NFAT5: variants seen among roughly 807,000 people sequenced by gnomAD.
The protein encoded by NFAT5 is nuclear factor of activated T-cells 5.
In NFAT5, 31 loss-of-function variants were observed where a neutral mutation model predicts 166.5. The ratio of observed to expected loss-of-function variants is 0.19; its 90% CI spans 0.14 to 0.25. The LOEUF is 0.25. Among genes scored for constraint, NFAT5 ranks in the 10% least tolerant of loss-of-function variants. NFAT5 has a pLI of 1.00. For missense variants in NFAT5, 1,449 were observed against 1,821.8 expected, an observed-to-expected ratio of 0.80 and a Z score of 3.72; for synonymous variants, 612 against 639.7, an observed-to-expected ratio of 0.96 and a Z score of 0.65.
chr16:69,636,687 A>G (rs911985850), intron 3 of NFAT5, among the ~76,000 whole-genome samples: 2 of 152,178 alleles, frequency 1.3e-5, no homozygotes, highest in Non-Finnish European at 1.5e-5. Flanking sequence ...CCTTTCAGCT[A>G]TGGCTGGAGC....
intron 2 of NFAT5, among the ~76,000 whole-genome samples, chr16:69,594,552 G>A (rs2032673819): frequency 6.6e-6 from 1 of 152,094 alleles, no homozygotes; most frequent in Non-Finnish European, 1.5e-5. Context: ...GCATATAGCA[G>A]GTTTCTGTAT....
intron 9 of NFAT5, among the ~76,000 whole-genome samples, chr16:69,676,278 C>T (rs952701549): frequency 6.6e-6 from 1 of 152,154 alleles, no homozygotes; most frequent in African/African-American, 2.4e-5. Context: ...ATATAGTACC[C>T]TTGAGTAAGT....
At chr16:69,630,537 A>G (rs1266736459) in intron 3 of NFAT5, among the ~76,000 whole-genome samples, 5 of 152,186 alleles carry the variant, frequency 3.3e-5, no homozygotes, top group Admixed American at 1.3e-4. Flanking sequence ...TAGATGTTCA[A>G]TATATCAATG....
Position 69,701,418 on chromosome 16 carries a change from A to G in NFAT5, c.*5067A>G, listed in dbSNP as rs766538076. ...ATCATTTATAATTTCATTTTTCACT[A>G]TTTCCAAAAACACATAAACAAATAG... On this transcript the variant is annotated 3_prime_UTR_variant, in exon 15 of 15. Transcript: ENST00000349945. The G allele has an allele frequency of 2.6e-5, 4 of 152,538 alleles. No homozygotes were observed. The highest frequency in any genetic ancestry group is 4.4e-5 in the Non-Finnish European group (3 of 68,026). The allele number at this position is 152,538 out of a possible 1,614,324, so 9.4% of individuals were successfully genotyped here.
At chr16:69,579,624 AC>A (rs1428267487) in intron 2 of NFAT5, among the ~76,000 whole-genome samples, 2 of 152,208 alleles carry the variant, frequency 1.3e-5, no homozygotes, top group Non-Finnish European at 2.9e-5. Context: ...ACCAAACTTC[AC>A]AAGGATGGAT....
rs554916823 is a variant in NFAT5, at chr16:69,620,570, C to G, written c.128-5833C>G. ...CCAACATAGCAAGACCGCGTCTCTA[C>G]AAAAAAATTGAAAAGGTAACTGAGC... On this transcript the variant is annotated intron_variant, in intron 2 of 14. Coordinates refer to ENST00000349945, the MANE Select transcript of NFAT5 (RefSeq NM_138713.4). Among the ~76,000 whole-genome samples, 10 of 151,794 alleles carry G rather than the reference C, an allele frequency of 6.6e-5. No homozygotes were observed. In the South Asian group the frequency reaches 2.1e-3, roughly 32 times the overall value.
At chr16:69,658,847 T>C (rs1025468487) in intron 6 of NFAT5, among the ~76,000 whole-genome samples, 1 of 151,946 alleles carries the variant, frequency 6.6e-6, no homozygotes, top group African/African-American at 2.4e-5. Flanking sequence ...AATAAAAATA[T>C]AAATAAAAAA....
rs2037657399 is a variant in NFAT5 at position 69,693,813 on chromosome 16, C to A, written c.3988C>A (p.Gln1330Lys). Residue 1330 changes from glutamine to lysine, a missense_variant, in exon 13 of 15, where the codon CAA becomes AAA. Transcript: ENST00000349945. The part of the protein sequence containing the change: ...EQQNQSIFHQ[Q>K]SNMAPMNQEQ... ...ACAGAACCAGTCAATTTTTCACCAA[C>A]AAAGTAACATGGCCCCAATGAATCA... 6 of 1,614,226 alleles carry A rather than the reference C, an allele frequency of 3.7e-6. No homozygotes were observed. In the East Asian group the frequency reaches 1.3e-4, roughly 36 times the overall value.
intron 1 of NFAT5, among the ~76,000 whole-genome samples, chr16:69,567,792 A>T (rs1451980687): frequency 6.6e-6 from 1 of 152,226 alleles, no homozygotes; most frequent in African/African-American, 2.4e-5. Context: ...ATGTCAAAAA[A>T]AAAAGAGACA....
At chr16:69,637,674 A>T (rs1420677401) in intron 3 of NFAT5, among the ~76,000 whole-genome samples, 1 of 152,210 alleles carries the variant, frequency 6.6e-6, no homozygotes, top group Non-Finnish European at 1.5e-5. Flanking sequence ...CCATGACTCA[A>T]ATACCACCTC....
At chr16:69,601,627 G>C (rs2033138702) in intron 2 of NFAT5, among the ~76,000 whole-genome samples, 1 of 152,148 alleles carries the variant, frequency 6.6e-6, no homozygotes, top group Non-Finnish European at 1.5e-5. Flanking sequence ...TCCTGCCTTG[G>C]CCTCTCAAAG....
intron 7 of NFAT5, among the ~76,000 whole-genome samples, chr16:69,660,248 C>T (rs528604040): frequency 6.6e-6 from 1 of 152,056 alleles, no homozygotes; most frequent in Admixed American, 6.6e-5. Context: ...TAGTGAAAAT[C>T]CTGTCTCTAC....
chr16:69,577,618 G>A (rs2016831803), intron 2 of NFAT5, among the ~76,000 whole-genome samples: 1 of 152,152 alleles, frequency 6.6e-6, no homozygotes, highest in Non-Finnish European at 1.5e-5. Flanking sequence ...AAGCAGATCA[G>A]TAGTTGCCTG....
rs571154331 is a variant in NFAT5 at position 69,613,634 on chromosome 16, A to G, written c.128-12769A>G. Reference sequence around the variant, plus strand: ...GTCTGTCTGCTAAATAGCCATTTCAATATTCAAGGTTGACTTCTGGTGTTA... The same window carrying G: ...GTCTGTCTGCTAAATAGCCATTTCAGTATTCAAGGTTGACTTCTGGTGTTA... On this transcript the variant is annotated intron_variant, in intron 2 of 14. Transcript: ENST00000349945. 1.1e-4 allele frequency among the ~76,000 whole-genome samples: 16 copies of G among 152,300 alleles called. No homozygotes were observed. The East Asian group carries it at 1.2e-3, about 11-fold the overall frequency.
chr16:69,635,939 G>T (rs190043076), intron 3 of NFAT5, among the ~76,000 whole-genome samples: 1 of 152,172 alleles, frequency 6.6e-6, no homozygotes, highest in East Asian at 1.9e-4. Flanking sequence ...ACTCATTTCA[G>T]CATTAACCCA....
chr16:69,690,824 C>A, intron 11 of NFAT5, 116 bp from the exon 12 acceptor site: 2 of 792,818 alleles, frequency 2.5e-6, no homozygotes, highest in Non-Finnish European at 3.8e-6. Flanking sequence ...CTCATGCTAC[C>A]ATTGTAGCAT....
Position 69,594,450 on chromosome 16 carries a change from A to T in NFAT5, c.127+25902A>T, listed in dbSNP as rs192034773. ...TATTAATTATAATTTATAAGTCTTT[A>T]TGTATCTTTTATATGGAAACCCAAA... On this transcript the variant is annotated intron_variant, in intron 2 of 14. Coordinates refer to ENST00000349945, the MANE Select transcript of NFAT5 (RefSeq NM_138713.4). Among the ~76,000 whole-genome samples, 339 of 152,284 alleles carry T rather than the reference A, an allele frequency of 2.2e-3. 2 individuals are homozygous for T. The highest frequency in any genetic ancestry group is 5.8e-3 in the South Asian group (28 of 4,824).
At position 69,684,920 on chromosome 16, in the gene NFAT5, A is replaced by G. The variant is rs775037110; in HGVS notation, c.1724A>G (p.Lys575Arg). 6.2e-7 allele frequency: 1 copy of G among 1,610,284 alleles called. No individual in the cohort carries two copies. The highest frequency in any genetic ancestry group is 8.5e-7 in the Non-Finnish European group (1 of 1,178,666). ...AAGALNVNVKKEISSPARPCS... is the reference protein window; with the variant it reads ...AAGALNVNVKREISSPARPCS... The stretch of plus-strand genomic sequence containing the variant: ...GGTGCTTTGAATGTAAATGTGAAGA[A>G]GGAAATATCTAGTCCAGCAAGACCT... The change falls in exon 11 of 15, where the codon AAG becomes AGG. Residue 575 changes from lysine to arginine, a missense_variant. Physicochemically the swap from Lys to Arg is conservative, Grantham distance 26. Around this residue, in one of 7 missense-constraint regions of NFAT5, gnomAD observed 245 missense variants for 366.6 expected, o/e 0.67. Transcript: ENST00000349945.
chr16:69,674,552 TGAAA>T (rs1368215014), intron 9 of NFAT5, among the ~76,000 whole-genome samples: 1 of 152,060 alleles, frequency 6.6e-6, no homozygotes, highest in African/African-American at 2.4e-5. Context: ...AGAAAATTCT[TGAAA>T]GAAGTACAAA....
Sources: allele counts gnomAD v4.1 joint callset (sites outside exome capture counted in the v4.1 genomes callset), GRCh38; gene constraint gnomAD v4.1.1; regional missense constraint gnomAD v4.1.1; transcripts MANE v1.5; gene names NCBI Gene and HGNC (gene_info 2026-07-23, HGNC 2026-07-21).